Variants in C5orf34 observed in about 807,000 individuals in gnomAD.
C5orf34 encodes chromosome 5 open reading frame 34, also known as uncharacterized protein C5orf34.
Under a neutral mutation model 78.4 loss-of-function variants are expected in C5orf34, and 73 were observed. That is an observed-to-expected ratio of 0.93 (90% CI 0.77 to 1.13). The LOEUF (loss-of-function observed/expected upper bound fraction) is 1.13, where lower values mean the gene tolerates loss of function less well. Among genes scored for constraint, C5orf34 ranks in the 50% most tolerant of loss-of-function variants. The pLI is 0.00. For missense variants in C5orf34, 730 were observed against 732.7 expected (o/e 1.00, Z 0.04); for synonymous variants, 251 against 246.6 (o/e 1.02, Z -0.17).
chr5:43,506,913 A>G (rs1746007849), intron 3 of C5orf34, among the ~76,000 whole-genome samples: 1 of 152,194 alleles, frequency 6.6e-6, no homozygotes, highest in African/African-American at 2.4e-5. Flanking sequence ...AAACTCAATC[A>G]TATCTTAAAA....
intron 1 of C5orf34, among the ~76,000 whole-genome samples, chr5:43,514,428 G>A (rs950841536): frequency 3.9e-5 from 6 of 152,140 alleles, no homozygotes; most frequent in African/African-American, 1.4e-4. Context: ...CTGATACATA[G>A]ATGGAAGACA....
In C5orf34 at chr5:43,492,717, C is replaced by T. The variant is rs765159760; in HGVS notation, c.1485+3G>A. 3 of 1,609,442 alleles carry T rather than the reference C, an allele frequency of 1.9e-6. No homozygotes were observed. The highest frequency in any genetic ancestry group is 1.7e-6 in the Non-Finnish European group (2 of 1,177,522). The stretch of plus-strand genomic sequence containing the variant: ...AATAGATCTAAGTCTGAAGTATACC[C>T]ACCTGTCTCTTCTCAATAGGAGAGC... On this transcript the variant is annotated splice_donor_region_variant and intron_variant, in intron 9 of 12. Transcript: ENST00000306862.
intron 7 of C5orf34, 28 bp from the exon 8 acceptor site, chr5:43,493,640 C>A: frequency 1.5e-6 from 2 of 1,354,248 alleles, no homozygotes; most frequent in Non-Finnish European, 1.0e-6. Flanking sequence ...ACTACTTAAA[C>A]ATTTGCAAAT....
chr5:43,496,707 C>T (rs1477059055), intron 6 of C5orf34, among the ~76,000 whole-genome samples: 4 of 151,070 alleles, frequency 2.6e-5, no homozygotes, highest in African/African-American at 9.8e-5. Context: ...CCTCAGCCTC[C>T]CAAGTAGCCA....
chr5:43,494,669 T>C, intron 6 of C5orf34, 68 bp from the exon 7 acceptor site: 1 of 806,884 alleles, frequency 1.2e-6, no homozygotes, highest in Non-Finnish European at 2.0e-6. Flanking sequence ...TAGCTGCTTT[T>C]CCTTGAAATA....
chr5:43,490,879 T>G (rs1745253280), intron 10 of C5orf34, 150 bp from the exon 11 acceptor site: 1 of 480,480 alleles, frequency 2.1e-6, no homozygotes. Flanking sequence ...CTCAAAATAT[T>G]TTTCACTGGT....
At chr5:43,510,919 G>A (rs1746212336) in intron 1 of C5orf34, 1 of 191,950 alleles carries the variant, frequency 5.2e-6, no homozygotes, top group South Asian at 8.4e-5. Context: ...GGGATGTGAG[G>A]AGCCCCTCTG....
rs74672775 is a variant in C5orf34 at position 43,499,383 on chromosome 5, C to T, written c.1152+2989G>A. Among the ~76,000 whole-genome samples the T allele has an allele frequency of 1.3e-4, 20 of 152,296 alleles. No individual in the cohort carries two copies. In the East Asian group the frequency reaches 3.7e-3, roughly 28 times the overall value. On this transcript the variant is annotated intron_variant, in intron 6 of 12. Transcript: ENST00000306862. ...GTTTCTGGAGCCTCAAACACTGGGTCTGGTGCCCTTTCTTATGTGGTCCCA... is the reference window on the plus strand; with the variant it reads ...GTTTCTGGAGCCTCAAACACTGGGTTTGGTGCCCTTTCTTATGTGGTCCCA...
intron 1 of C5orf34, 45 bp from the exon 2 acceptor site, chr5:43,509,420 G>T: frequency 8.7e-7 from 1 of 1,153,706 alleles, no homozygotes; most frequent in Non-Finnish European, 1.2e-6. Flanking sequence ...TTCTCTTAAT[G>T]TACAAAACTT....
At chr5:43,507,811 G>A (rs1002820863) in intron 3 of C5orf34, among the ~76,000 whole-genome samples, 4 of 152,004 alleles carry the variant, frequency 2.6e-5, no homozygotes, top group Admixed American at 6.6e-5. Context: ...GGGCGCGGTG[G>A]CTCACGCCTG....
At chr5:43,511,514 C>A (rs1746258604) in intron 1 of C5orf34, among the ~76,000 whole-genome samples, 1 of 152,204 alleles carries the variant, frequency 6.6e-6, no homozygotes, top group African/African-American at 2.4e-5. Context: ...CCGGCCGCCA[C>A]CCCGTCTGGG....
intron 1 of C5orf34, among the ~76,000 whole-genome samples, chr5:43,512,543 G>A (rs576550737): frequency 1.3e-5 from 2 of 152,124 alleles, no homozygotes; most frequent in Non-Finnish European, 2.9e-5. Context: ...ACGTGTAACA[G>A]CATTGTCTAC....
chr5:43,492,303 G>C lies in C5orf34; in HGVS notation c.1492C>G (p.Gln498Glu), dbSNP rs1045866149. ...TTACACCAACCTAAGTTAAGACCTT[G>C]ATTTACCTGAAGAAGTAGAAAGATA... ...SSPIEKRQVN[Q>E]GLNLGWCKLT... Residue 498 changes from glutamine to glutamate, a missense_variant, in exon 10 of 13, where the codon CAA (glutamine) becomes GAA (glutamate). Coordinates refer to ENST00000306862, the MANE Select transcript of C5orf34 (RefSeq NM_198566.4). 1 of 1,593,004 alleles carries C rather than the reference G, an allele frequency of 6.3e-7. No homozygotes were observed. The highest frequency in any genetic ancestry group is 1.1e-5 in the South Asian group (1 of 88,876).
intron 1 of C5orf34, chr5:43,514,342 G>A (rs1013326731): frequency 2.0e-5 from 3 of 152,152 alleles, no homozygotes; most frequent in Non-Finnish European, 4.4e-5. Flanking sequence ...TGGCAATATA[G>A]ATTACAGATA....
chr5:43,513,989 G>A (rs1250974239), intron 1 of C5orf34, among the ~76,000 whole-genome samples: 3 of 152,154 alleles, frequency 2.0e-5, no homozygotes, highest in Non-Finnish European at 4.4e-5. Context: ...ACAGTATTAG[G>A]CAAATAGTAA....
chr5:43,500,523 G>A (rs894492509), intron 6 of C5orf34, among the ~76,000 whole-genome samples: 1 of 152,118 alleles, frequency 6.6e-6, no homozygotes, highest in African/African-American at 2.4e-5. Flanking sequence ...AGTCTCCCAA[G>A]TAGCTGGGAT....
At position 43,505,802 on chromosome 5, in the gene C5orf34, A is replaced by T. The variant is rs572233186; in HGVS notation, c.878T>A (p.Val293Asp). 3.1e-6 allele frequency: 5 copies of T among 1,609,412 alleles called. No individual in the cohort carries two copies. The highest frequency in any genetic ancestry group is 4.5e-5 in the East Asian group (2 of 44,824). Residue 293 changes from valine to aspartate, a missense_variant, in exon 4 of 13, where the codon GTT (valine) becomes GAT (aspartate). By Grantham distance (152) the Val-to-Asp change is radical. Transcript: ENST00000306862. ...SDISEERGKV[V>D]SVLPRALSLS... Reference sequence around the variant, plus strand: ...TGACAGGGCCCTGGGAAGAACAGAAACCACTTTTCCTCTTTCCTCTGAAAT... The same window carrying T: ...TGACAGGGCCCTGGGAAGAACAGAATCCACTTTTCCTCTTTCCTCTGAAAT...
intron 6 of C5orf34, chr5:43,496,352 C>G: frequency 1.9e-6 from 3 of 1,590,684 alleles, no homozygotes; most frequent in Non-Finnish European, 2.6e-6. Context: ...GTTCTTTTGT[C>G]GATGCCACCA....
intron 6 of C5orf34, among the ~76,000 whole-genome samples, chr5:43,498,228 C>G (rs919932652): frequency 1.3e-5 from 2 of 152,190 alleles, no homozygotes; most frequent in Non-Finnish European, 2.9e-5. Flanking sequence ...ACATGGGAAG[C>G]ACTCAAAATA....
Sources: gnomAD v4.1 joint callset for allele counts (sites outside exome capture counted in the v4.1 genomes callset) on GRCh38, gnomAD v4.1.1 for gene constraint, MANE v1.5 for transcripts, NCBI Gene and HGNC (gene_info 2026-07-23, HGNC 2026-07-21) for gene names.